The following LYPD6 variants were observed in gnomAD, a reference collection of about 807,000 sequenced individuals.
LYPD6 encodes the protein ly6/PLAUR domain-containing protein 6.
LYPD6 carries 15 observed loss-of-function variants against 22.7 expected under a neutral mutation model. The ratio of observed to expected loss-of-function variants is 0.66; its 90% CI spans 0.44 to 1.02. LYPD6 has a LOEUF of 1.02. LYPD6 is among the 50% of genes least tolerant of loss of function. The pLI, the probability that LYPD6 is intolerant of heterozygous loss-of-function variation, is 0.00. For missense variants in LYPD6, 189 were observed against 208.4 expected (o/e 0.91, Z 0.57); for synonymous variants, 72 against 77.5 (o/e 0.93, Z 0.37).
At position 149,359,298 on chromosome 2, in the gene LYPD6, G is replaced by T. The variant is rs530300400; in HGVS notation, c.-72+28576G>T. Among the ~76,000 whole-genome samples, 6 of 152,316 alleles carry T rather than the reference G, an allele frequency of 3.9e-5. No homozygotes were observed. The East Asian group carries it at 1.2e-3, about 29-fold the overall frequency. On this transcript the variant is annotated intron_variant, in intron 1 of 4. Coordinates refer to ENST00000334166, the MANE Select transcript of LYPD6 (RefSeq NM_194317.5). ...AGGCTAATGGGAGAAGCAGCTGGAG[G>T]AGAGTATGGCAGGCCGAGTGCCTGG... is the stretch of plus-strand genomic sequence containing the variant.
chr2:149,378,602 G>A (rs986929591), intron 1 of LYPD6, among the ~76,000 whole-genome samples: 6 of 152,092 alleles, frequency 3.9e-5, no homozygotes, highest in East Asian at 1.9e-4. Flanking sequence ...GATTATTTTC[G>A]TTTGTACAGA....
intron 1 of LYPD6, among the ~76,000 whole-genome samples, chr2:149,366,386 C>T (rs1681665617): frequency 6.6e-6 from 1 of 152,204 alleles, no homozygotes; most frequent in Non-Finnish European, 1.5e-5. Flanking sequence ...CTGGGCTTGA[C>T]TGGTTGCCAC....
At chr2:149,475,412 A>G (rs1427354429), downstream of LYPD6, among the ~76,000 whole-genome samples, 1 of 152,150 alleles carries the variant, frequency 6.6e-6, no homozygotes, top group Non-Finnish European at 1.5e-5. Context: ...ACTGGAGTCT[A>G]CTGAAAATGG....
intron 3 of LYPD6, among the ~76,000 whole-genome samples, chr2:149,452,432 C>T (rs1482888042): frequency 6.6e-6 from 1 of 152,166 alleles, no homozygotes; most frequent in African/African-American, 2.4e-5. Flanking sequence ...ATGTATTTCA[C>T]TAGTAGCTAA....
intron 3 of LYPD6, among the ~76,000 whole-genome samples, chr2:149,451,385 A>G (rs1432561302): frequency 1.3e-5 from 2 of 152,192 alleles, no homozygotes; most frequent in East Asian, 3.8e-4. Context: ...ATTAAGTTGC[A>G]TATGAACTCT....
intron 1 of LYPD6, among the ~76,000 whole-genome samples, chr2:149,432,912 GTC>G (rs1683349307): frequency 6.6e-6 from 1 of 152,270 alleles, no homozygotes; most frequent in South Asian, 2.1e-4. Flanking sequence ...TAAAAAGTAA[GTC>G]TGTCAAACTC....
At chr2:149,407,366 A>G (rs897215448) in intron 1 of LYPD6, among the ~76,000 whole-genome samples, 1 of 152,218 alleles carries the variant, frequency 6.6e-6, no homozygotes, top group Non-Finnish European at 1.5e-5. Context: ...ACTTTCAGGT[A>G]TACCAATCAG....
intron 1 of LYPD6, among the ~76,000 whole-genome samples, chr2:149,407,379 G>A (rs548302929): frequency 3.4e-4 from 52 of 152,284 alleles, no homozygotes; most frequent in African/African-American, 1.2e-3. Context: ...CCAATCAGAC[G>A]TAGATTTGGT....
chr2:149,405,965 T>C (rs1396163582), intron 1 of LYPD6, among the ~76,000 whole-genome samples: 2 of 149,112 alleles, frequency 1.3e-5, no homozygotes, highest in Non-Finnish European at 3.0e-5. Flanking sequence ...AAGAACATCT[T>C]TATTTCTGCC....
downstream of LYPD6, among the ~76,000 whole-genome samples, chr2:149,478,951 C>G (rs1681482183): frequency 6.6e-6 from 1 of 152,148 alleles, no homozygotes; most frequent in African/African-American, 2.4e-5. Flanking sequence ...CAGCTACCCC[C>G]TCTCTTTAGT....
At chr2:149,423,980 C>T (rs1683137489) in intron 1 of LYPD6, among the ~76,000 whole-genome samples, 1 of 133,888 alleles carries the variant, frequency 7.5e-6, no homozygotes, top group African/African-American at 3.5e-5. Flanking sequence ...TCCAATCCAG[C>T]CCTGATAAAA....
At chr2:149,400,402 A>G (rs1016551013) in intron 1 of LYPD6, among the ~76,000 whole-genome samples, 31 of 152,202 alleles carry the variant, frequency 2.0e-4, no homozygotes, top group African/African-American at 6.8e-4. Flanking sequence ...TGAGAAAACG[A>G]TAAAAGGATG....
At chr2:149,353,143 G>C (rs1200207975) in intron 1 of LYPD6, among the ~76,000 whole-genome samples, 3 of 152,174 alleles carry the variant, frequency 2.0e-5, no homozygotes, top group Admixed American at 1.3e-4. Flanking sequence ...ACAAATTCTG[G>C]CATGAGCTGT....
chr2:149,443,179 A>G (rs1420302906), intron 2 of LYPD6, among the ~76,000 whole-genome samples: 2 of 152,232 alleles, frequency 1.3e-5, no homozygotes, highest in African/African-American at 4.8e-5. Context: ...TGAAAAGTCT[A>G]TTAAGTAATT....
the LYPD6 span, among the ~76,000 whole-genome samples, chr2:149,484,578 T>C: frequency 6.6e-6 from 1 of 152,154 alleles, no homozygotes; most frequent in Non-Finnish European, 1.5e-5. Context: ...ACAGCAATCC[T>C]TCAGAACCTG....
chr2:149,446,194 C>T (rs1272345119), intron 2 of LYPD6, among the ~76,000 whole-genome samples: 1 of 152,048 alleles, frequency 6.6e-6, no homozygotes, highest in Non-Finnish European at 1.5e-5. Flanking sequence ...GTGGTGCCCC[C>T]AAACAATTAT....
intron 1 of LYPD6, among the ~76,000 whole-genome samples, chr2:149,433,487 G>C (rs888087429): frequency 1.3e-5 from 2 of 152,194 alleles, no homozygotes; most frequent in African/African-American, 4.8e-5. Context: ...AGTCAGGAAA[G>C]CTGTGGGGGA....
chr2:149,432,499 G>A (rs1683338227), intron 1 of LYPD6, among the ~76,000 whole-genome samples: 1 of 152,178 alleles, frequency 6.6e-6, no homozygotes, highest in African/African-American at 2.4e-5. Flanking sequence ...AAGCGTAGGG[G>A]AGGGAGGGAG....
intron 1 of LYPD6, among the ~76,000 whole-genome samples, chr2:149,390,298 A>G (rs1029027470): frequency 1.3e-5 from 2 of 152,000 alleles, no homozygotes; most frequent in Non-Finnish European, 2.9e-5. Flanking sequence ...ACTTCGAATG[A>G]TCTCTTTTCC....
Sources: gnomAD v4.1 joint callset for allele counts (sites outside exome capture counted in the v4.1 genomes callset) on GRCh38, gnomAD v4.1.1 for gene constraint, MANE v1.5 for transcripts, NCBI Gene and HGNC (gene_info 2026-07-23, HGNC 2026-07-21) for gene names.